SPATA6: variants seen among roughly 807,000 people sequenced by gnomAD.
The protein encoded by SPATA6 is spermatogenesis-associated protein 6.
SPATA6 carries 56 observed loss-of-function variants against 65.3 expected under a neutral mutation model. The ratio of observed to expected loss-of-function variants is 0.86; its 90% CI spans 0.69 to 1.07. SPATA6 has a LOEUF of 1.07. Ranked by LOEUF, SPATA6 falls within the 50% of genes least tolerant of loss-of-function variation. The pLI is 0.00. For missense variants in SPATA6, 590 were observed against 594.8 expected (o/e 0.99, Z 0.08); for synonymous variants, 199 against 213.2 (o/e 0.93, Z 0.58).
chr1:48,424,746 T>A (rs1290737115), intron 3 of SPATA6, among the ~76,000 whole-genome samples: 1 of 152,228 alleles, frequency 6.6e-6, no homozygotes, highest in Non-Finnish European at 1.5e-5. Flanking sequence ...ATCAATGATG[T>A]TGAGCACATT....
chr1:48,334,779 G>A (rs965546245), intron 11 of SPATA6, among the ~76,000 whole-genome samples: 1 of 152,054 alleles, frequency 6.6e-6, no homozygotes, highest in African/African-American at 2.4e-5. Flanking sequence ...TTAAGTCCTG[G>A]CCAGGGCAAT....
chr1:48,300,117 T>A (rs1485855173), intron 12 of SPATA6, among the ~76,000 whole-genome samples: 1 of 152,146 alleles, frequency 6.6e-6, no homozygotes, highest in East Asian at 1.9e-4. Flanking sequence ...CTAGCTGTGA[T>A]GAAGATAGAA....
At chr1:48,397,039 C>CA (rs1650659821) in intron 7 of SPATA6, among the ~76,000 whole-genome samples, 2 of 151,402 alleles carry the variant, frequency 1.3e-5, no homozygotes, top group African/African-American at 4.8e-5. Context: ...AAAAAGGAAT[C>CA]AAGTACTGAT....
chr1:48,283,861 A>AT, the SPATA6 span, among the ~76,000 whole-genome samples: 1 of 151,432 alleles, frequency 6.6e-6, no homozygotes, highest in Non-Finnish European at 1.5e-5. Context: ...TGCCCTTAAC[A>AT]TTTTTTCATT....
At chr1:48,448,796 C>T (rs893746048) in intron 3 of SPATA6, among the ~76,000 whole-genome samples, 8 of 152,098 alleles carry the variant, frequency 5.3e-5, no homozygotes, top group Admixed American at 2.6e-4. Context: ...AAAAAGATTA[C>T]ATATTATATA....
chr1:48,359,822 T>C, intron 9 of SPATA6, 52 bp from the exon 10 acceptor site: 1 of 1,364,360 alleles, frequency 7.3e-7, no homozygotes. Flanking sequence ...TACATATGTA[T>C]ATAACATATT....
At chr1:48,408,502 C>T (rs1263878570) in intron 5 of SPATA6, among the ~76,000 whole-genome samples, 1 of 152,142 alleles carries the variant, frequency 6.6e-6, no homozygotes, top group East Asian at 1.9e-4. Flanking sequence ...ATCTAAACTC[C>T]TACTAACAGA....
intron 11 of SPATA6, among the ~76,000 whole-genome samples, chr1:48,322,313 T>C (rs1388608007): frequency 6.6e-6 from 1 of 152,116 alleles, no homozygotes; most frequent in Middle Eastern, 3.2e-3. Flanking sequence ...AAACAAGCAA[T>C]AGGGAAATGA....
At chr1:48,263,510 C>T in the SPATA6 span, among the ~76,000 whole-genome samples, 1 of 152,160 alleles carries the variant, frequency 6.6e-6, no homozygotes, top group African/African-American at 2.4e-5. Flanking sequence ...TGCTCCCAAA[C>T]ACACTTCATT....
Position 48,359,777 on chromosome 1 carries a change from T to G in SPATA6, c.910-7A>C, listed in dbSNP as rs773947318. On this transcript the variant is annotated splice_polypyrimidine_tract_variant and splice_region_variant and intron_variant, in intron 9 of 12. Coordinates refer to ENST00000371847, the MANE Select transcript of SPATA6 (RefSeq NM_019073.4). The stretch of plus-strand genomic sequence containing the variant: ...CATGGGGTGTCCTGATAACCTGTTT[T>G]AAAAATTATATACATATAGATATAC... 3.1e-5 allele frequency: 49 copies of G among 1,590,000 alleles called. No individual in the cohort carries two copies. The highest frequency in any genetic ancestry group is 3.9e-5 in the Non-Finnish European group (46 of 1,167,492).
the SPATA6 span, among the ~76,000 whole-genome samples, chr1:48,289,217 G>C: frequency 1.3e-5 from 2 of 152,208 alleles, no homozygotes; most frequent in African/African-American, 2.4e-5. Flanking sequence ...CTCCGCTGGT[G>C]ATACCCAGGG....
intron 11 of SPATA6, among the ~76,000 whole-genome samples, chr1:48,315,407 A>G (rs954787967): frequency 3.3e-5 from 5 of 152,166 alleles, no homozygotes; most frequent in African/African-American, 1.2e-4. Flanking sequence ...AATAAACATA[A>G]TCCAACATAT....
intron 11 of SPATA6, among the ~76,000 whole-genome samples, chr1:48,355,119 T>C (rs540572037): frequency 6.6e-6 from 1 of 152,278 alleles, no homozygotes; most frequent in East Asian, 1.9e-4. Context: ...ACTGTCATTA[T>C]TTCCCAGCTG....
At chr1:48,434,450 T>G (rs1181123910) in intron 3 of SPATA6, among the ~76,000 whole-genome samples, 1 of 152,142 alleles carries the variant, frequency 6.6e-6, no homozygotes, top group Non-Finnish European at 1.5e-5. Context: ...GCATACCCCT[T>G]TACTCTCAAA....
At chr1:48,409,766 G>A (rs183623846) in intron 5 of SPATA6, among the ~76,000 whole-genome samples, 38 of 152,336 alleles carry the variant, frequency 2.5e-4, no homozygotes, top group African/African-American at 6.5e-4. Flanking sequence ...CTGAAGCCAC[G>A]ACCCAAGCTC....
intron 11 of SPATA6, among the ~76,000 whole-genome samples, chr1:48,326,319 A>G (rs957890353): frequency 6.6e-6 from 1 of 152,228 alleles, no homozygotes; most frequent in Non-Finnish European, 1.5e-5. Flanking sequence ...AGAATTCTAC[A>G]AGGAGAAATA....
At chr1:48,457,618 A>G (rs1296816123) in intron 1 of SPATA6, among the ~76,000 whole-genome samples, 1 of 152,180 alleles carries the variant, frequency 6.6e-6, no homozygotes, top group African/African-American at 2.4e-5. Context: ...CTAACAGAAG[A>G]AAACTTTCAA....
rs965821390 is a variant in SPATA6 at position 48,435,849 on chromosome 1, C to T, written c.238+15703G>A. The stretch of plus-strand genomic sequence containing the variant: ...GCACCGCTGGCAGCCTGAAGAGAGT[C>T]GCTGGCCATGGTCGCTGCTAGGTAG... On this transcript the variant is annotated intron_variant, in intron 3 of 12. Transcript: ENST00000371847. 1.1e-4 allele frequency: 122 copies of T among 1,092,378 alleles called. 3 individuals are homozygous for T. The highest frequency in any genetic ancestry group is 5.8e-4 in the Admixed American group (31 of 53,126). 67.7% of individuals were successfully genotyped at this position (1,092,378 alleles called of 1,614,324 possible).
intron 11 of SPATA6, chr1:48,325,182 T>C: frequency 1.5e-6 from 1 of 672,760 alleles, no homozygotes; most frequent in Non-Finnish European, 2.7e-6. Flanking sequence ...ACTGCAAGGT[T>C]TGGTGCAGGG....
Sources: allele counts gnomAD v4.1 joint callset (sites outside exome capture counted in the v4.1 genomes callset), GRCh38; gene constraint gnomAD v4.1.1; transcripts MANE v1.5; gene names NCBI Gene and HGNC (gene_info 2026-07-23, HGNC 2026-07-21).